The following SLC44A1 variants were observed in gnomAD, a reference collection of about 807,000 sequenced individuals.
SLC44A1 encodes choline transporter-like protein 1.
Under a neutral mutation model 79.3 loss-of-function variants are expected in SLC44A1, and 26 were observed. The ratio of observed to expected loss-of-function variants is 0.33; its 90% CI spans 0.24 to 0.46. SLC44A1 has a LOEUF of 0.46. Ranked by LOEUF, SLC44A1 falls within the 20% of genes least tolerant of loss-of-function variation. SLC44A1 has a pLI of 1.00. For synonymous variants in SLC44A1, 263 were observed against 286.2 expected, an observed-to-expected ratio of 0.92 and a Z score of 0.82; for missense variants, 688 against 798.1, an observed-to-expected ratio of 0.86 and a Z score of 1.66.
intron 1 of SLC44A1, among the ~76,000 whole-genome samples, chr9:105,275,130 T>C (rs902414108): frequency 1.1e-4 from 17 of 152,224 alleles, no homozygotes; most frequent in Non-Finnish European, 2.4e-4. Context: ...AGTACAAAGT[T>C]AAAGGCTTGG....
At position 105,390,910 on chromosome 9, in the gene SLC44A1, GTA is replaced by G; in HGVS notation, c.*1856_*1857del. On this transcript the variant is annotated 3_prime_UTR_variant, in exon 16 of 16. Transcript: ENST00000374720. ...ATCTAATATCTAGTATCACCAAACA[GTA>G]TCGCTGTTCTCTTTTATTCATTTGA... 3 of 981,804 alleles carry G rather than the reference GTA, an allele frequency of 3.1e-6. No homozygotes were observed. Among genetic ancestry groups the G allele is most frequent in the Non-Finnish European group, 3.6e-6 (3 of 826,394 alleles). The allele number at this position is 981,804 out of a possible 1,614,324, so 60.8% of individuals were successfully genotyped here. A position where few individuals can be genotyped will look rare whatever the true frequency, so the allele number is the denominator to read the frequency against.
chr9:105,364,874 T>TAATTCTGGTCA (rs1335766944), intron 10 of SLC44A1, among the ~76,000 whole-genome samples, 154 bp downstream of exon 10: 1 of 152,206 alleles, frequency 6.6e-6, no homozygotes, highest in African/African-American at 2.4e-5. Flanking sequence ...ATATAGTTGA[T>TAATTCTGGTCA]AATTCTGGGA....
intron 1 of SLC44A1, among the ~76,000 whole-genome samples, chr9:105,248,902 G>A (rs868863596): frequency 7.9e-5 from 12 of 152,178 alleles, no homozygotes; most frequent in Non-Finnish European, 1.6e-4. Context: ...GCAAATTGCC[G>A]TAAGTCTTTG....
intron 15 of SLC44A1, among the ~76,000 whole-genome samples, chr9:105,418,081 C>T (rs928764786): frequency 3.3e-5 from 5 of 151,588 alleles, no homozygotes; most frequent in East Asian, 1.9e-4. Flanking sequence ...TCTGGGAGGC[C>T]GAGGCGGGCG....
chr9:105,278,626 C>G (rs1830271711), intron 1 of SLC44A1, among the ~76,000 whole-genome samples: 2 of 151,730 alleles, frequency 1.3e-5, no homozygotes, highest in African/African-American at 4.9e-5. Flanking sequence ...AATGATGTAC[C>G]CGCTTCGGCC....
In SLC44A1 at chr9:105,396,034, T is replaced by C; in HGVS notation, c.*6978T>C. 5 of 985,410 alleles carry C rather than the reference T, an allele frequency of 5.1e-6. No homozygotes were observed. Among genetic ancestry groups the C allele is most frequent in the Non-Finnish European group, 6.0e-6 (5 of 829,932 alleles). The allele number at this position is 985,410 out of a possible 1,614,324, so 61.0% of individuals were successfully genotyped here. A position where few individuals can be genotyped will look rare whatever the true frequency, so the allele number is the denominator to read the frequency against. ...CCATCCTCTAGGTTCCTGTAGTCTG[T>C]GCTCAGAACTTGGTTTTTGGCCCCT... On this transcript the variant is annotated 3_prime_UTR_variant, in exon 16 of 16. Transcript: ENST00000374720.
At chr9:105,282,773 T>TC (rs1365174344) in intron 1 of SLC44A1, among the ~76,000 whole-genome samples, 4 of 152,254 alleles carry the variant, frequency 2.6e-5, no homozygotes, top group South Asian at 4.1e-4. Flanking sequence ...GGTCTTGAAC[T>TC]CTGACCTCGT....
chr9:105,397,059 A>T lies in SLC44A1; in HGVS notation c.*8003A>T. On this transcript the variant is annotated 3_prime_UTR_variant, in exon 16 of 16. Coordinates refer to ENST00000374720, the MANE Select transcript of SLC44A1 (RefSeq NM_080546.5). ...ACTTTAAAAATATGTATATTAAGCA[A>T]TTAACTTTCTGGAGTTGGAGTTATC... The T allele has an allele frequency of 1.0e-6, 1 of 985,268 alleles. No individual in the cohort carries two copies. The highest frequency in any genetic ancestry group is 1.2e-6 in the Non-Finnish European group (1 of 829,802). The allele number at this position is 985,268 out of a possible 1,614,324, so 61.0% of individuals were successfully genotyped here.
At chr9:105,264,447 G>A (rs1170442853) in intron 1 of SLC44A1, among the ~76,000 whole-genome samples, 13 of 152,178 alleles carry the variant, frequency 8.5e-5, no homozygotes, top group Non-Finnish European at 5.9e-5. Context: ...GATTACAGGC[G>A]TGAGCCCTCG....
At chr9:105,386,995 C>T (rs1312846231) in intron 15 of SLC44A1, among the ~76,000 whole-genome samples, 1 of 131,548 alleles carries the variant, frequency 7.6e-6, no homozygotes, top group East Asian at 2.2e-4. Flanking sequence ...GCCAAGATGG[C>T]GCCATTGCAT....
At chr9:105,417,927 G>C (rs1019425626) in intron 15 of SLC44A1, among the ~76,000 whole-genome samples, 3 of 150,758 alleles carry the variant, frequency 2.0e-5, no homozygotes, top group Non-Finnish European at 4.4e-5. Flanking sequence ...TGAGGCAGGA[G>C]TTTTGCTTGA....
At chr9:105,346,923 A>G (rs1042692126) in intron 4 of SLC44A1, among the ~76,000 whole-genome samples, 2 of 152,126 alleles carry the variant, frequency 1.3e-5, no homozygotes, top group Non-Finnish European at 2.9e-5. Flanking sequence ...ATTATATAAA[A>G]TATATGCTAC....
chr9:105,386,559 T>G, intron 15 of SLC44A1: 1 of 349,172 alleles, frequency 2.9e-6, no homozygotes, highest in Non-Finnish European at 4.0e-6. Flanking sequence ...GTAAACTTTA[T>G]TAAAACATGA....
chr9:105,362,054 G>A (rs759054163), intron 8 of SLC44A1, among the ~76,000 whole-genome samples: 3 of 141,190 alleles, frequency 2.1e-5, no homozygotes, highest in South Asian at 2.1e-4. Context: ...TTGTGTGTGC[G>A]TGTGTGTGCG....
intron 4 of SLC44A1, among the ~76,000 whole-genome samples, chr9:105,343,594 G>T (rs1162900151): frequency 2.0e-5 from 3 of 152,262 alleles, no homozygotes; most frequent in East Asian, 3.9e-4. Context: ...TGAATGAAAT[G>T]ATCAACTCTA....
intron 6 of SLC44A1, 106 bp from the exon 7 acceptor site, chr9:105,358,238 C>A: frequency 1.5e-6 from 1 of 657,538 alleles, no homozygotes; most frequent in Non-Finnish European, 2.6e-6. Flanking sequence ...TGGTCAATAG[C>A]AACAGATTAT....
chr9:105,419,265 T>C (rs1588877748), intron 15 of SLC44A1, among the ~76,000 whole-genome samples: 1 of 152,212 alleles, frequency 6.6e-6, no homozygotes, highest in Non-Finnish European at 1.5e-5. Context: ...GAGATAATGA[T>C]GATCCTGAAA....
intron 1 of SLC44A1, among the ~76,000 whole-genome samples, chr9:105,259,993 C>T (rs1395046124): frequency 2.0e-5 from 3 of 152,200 alleles, no homozygotes; most frequent in Non-Finnish European, 2.9e-5. Flanking sequence ...GGATCTGCTA[C>T]TTAAATCAGG....
chr9:105,430,245 A>G (rs1048411255), intron 15 of SLC44A1, among the ~76,000 whole-genome samples: 4 of 152,206 alleles, frequency 2.6e-5, no homozygotes, highest in African/African-American at 4.8e-5. Flanking sequence ...AAATTATTTC[A>G]TAGTTATTTT....
Sources: gnomAD v4.1 joint callset for allele counts (sites outside exome capture counted in the v4.1 genomes callset) on GRCh38, gnomAD v4.1.1 for gene constraint, MANE v1.5 for transcripts, NCBI Gene and HGNC (gene_info 2026-07-23, HGNC 2026-07-21) for gene names.